The following CTNNA3 variants were observed in gnomAD, a reference collection of about 807,000 sequenced individuals.
CTNNA3 encodes the protein catenin alpha 3, also known as catenin alpha-3.
In CTNNA3, 76 loss-of-function variants were observed where a neutral mutation model predicts 95.7. The ratio of observed to expected loss-of-function variants is 0.79; its 90% CI spans 0.66 to 0.96. The LOEUF (loss-of-function observed/expected upper bound fraction) is 0.96. Among genes scored for constraint, CTNNA3 ranks in the 40% least tolerant of loss-of-function variants. The pLI, the probability that CTNNA3 is intolerant of heterozygous loss-of-function variation, is 0.00. For synonymous variants in CTNNA3, 431 were observed against 374.4 expected, an observed-to-expected ratio of 1.15 and a Z score of -1.74; for missense variants, 1,191 against 1,089.8, an observed-to-expected ratio of 1.09 and a Z score of -1.31.
At chr10:66,643,517 G>T (rs1845587454) in intron 9 of CTNNA3, among the ~76,000 whole-genome samples, 1 of 152,148 alleles carries the variant, frequency 6.6e-6, no homozygotes, top group Non-Finnish European at 1.5e-5. Flanking sequence ...TTCTAGTAGA[G>T]TTAATATCAT....
chr10:67,523,637 G>T (rs1315986356), intron 4 of CTNNA3, among the ~76,000 whole-genome samples: 2 of 152,124 alleles, frequency 1.3e-5, no homozygotes, highest in African/African-American at 4.8e-5. Flanking sequence ...CGTAGAAGAC[G>T]TAAGACAATT....
intron 7 of CTNNA3, among the ~76,000 whole-genome samples, chr10:66,966,609 G>A (rs1849425896): frequency 6.6e-6 from 1 of 151,826 alleles, no homozygotes; most frequent in Admixed American, 6.6e-5. Flanking sequence ...AAATTTAATA[G>A]ATCATACACC....
intron 5 of CTNNA3, among the ~76,000 whole-genome samples, chr10:67,352,482 T>C (rs1390309897): frequency 6.6e-6 from 1 of 151,732 alleles, no homozygotes; most frequent in Non-Finnish European, 1.5e-5. Flanking sequence ...AAGTTCCAAG[T>C]AGTATTATTC....
chr10:66,113,331 T>C (rs2082189758), intron 13 of CTNNA3, among the ~76,000 whole-genome samples: 1 of 152,200 alleles, frequency 6.6e-6, no homozygotes, highest in Non-Finnish European at 1.5e-5. Flanking sequence ...TTATTCTTTT[T>C]TCTTTAATTG....
intron 1 of CTNNA3, among the ~76,000 whole-genome samples, chr10:67,672,735 C>T (rs1420374828): frequency 6.6e-6 from 1 of 152,070 alleles, no homozygotes; most frequent in Non-Finnish European, 1.5e-5. Flanking sequence ...GTTTTGGTAC[C>T]AGTATCATGC....
At chr10:65,943,152 C>T (rs1183045569) in intron 17 of CTNNA3, among the ~76,000 whole-genome samples, 1 of 151,808 alleles carries the variant, frequency 6.6e-6, no homozygotes, top group Non-Finnish European at 1.5e-5. Flanking sequence ...CAAGCTCCGC[C>T]TCCTGGGCTC....
intron 11 of CTNNA3, among the ~76,000 whole-genome samples, chr10:66,496,826 C>T (rs1024858070): frequency 6.6e-6 from 1 of 152,122 alleles, no homozygotes; most frequent in African/African-American, 2.4e-5. Context: ...ATTCATAACA[C>T]AGTATCACTG....
chr10:66,319,163 G>C (rs940917364), intron 12 of CTNNA3, among the ~76,000 whole-genome samples: 12 of 151,890 alleles, frequency 7.9e-5, no homozygotes, highest in Non-Finnish European at 1.5e-4. Context: ...ATAAAAATGG[G>C]AATAATTACT....
chr10:67,031,181 C>T (rs902796833), intron 7 of CTNNA3, among the ~76,000 whole-genome samples: 5 of 151,944 alleles, frequency 3.3e-5, no homozygotes, highest in Non-Finnish European at 7.4e-5. Flanking sequence ...TAAATAAAAC[C>T]CTCTGATTTA....
intron 5 of CTNNA3, among the ~76,000 whole-genome samples, chr10:67,513,469 C>G (rs1299539012): frequency 6.6e-6 from 1 of 152,204 alleles, no homozygotes; most frequent in East Asian, 1.9e-4. Context: ...TTAGAGAAGA[C>G]TGCACCCACA....
At chr10:66,423,387 T>A (rs1208779400) in intron 11 of CTNNA3, among the ~76,000 whole-genome samples, 2 of 152,208 alleles carry the variant, frequency 1.3e-5, no homozygotes, top group African/African-American at 2.4e-5. Flanking sequence ...GTTTCTTGAA[T>A]GTTTGGTAGA....
intron 5 of CTNNA3, among the ~76,000 whole-genome samples, chr10:67,307,138 T>C (rs1327561618): frequency 6.6e-6 from 1 of 152,240 alleles, no homozygotes; most frequent in Non-Finnish European, 1.5e-5. Context: ...TTGCTTAGTA[T>C]TTTTGGACTT....
At chr10:66,962,400 T>TTTTTTG (rs1405950965) in intron 7 of CTNNA3, among the ~76,000 whole-genome samples, 2 of 147,966 alleles carry the variant, frequency 1.4e-5, no homozygotes, top group South Asian at 4.2e-4. Context: ...TTTTGTTTTG[T>TTTTTTG]TTTTTGTTTT....
intron 5 of CTNNA3, among the ~76,000 whole-genome samples, chr10:67,420,481 A>T (rs772933174): frequency 1.3e-5 from 2 of 152,134 alleles, no homozygotes; most frequent in African/African-American, 4.8e-5. Flanking sequence ...GACATTGGAG[A>T]GTACTTTAAC....
intron 13 of CTNNA3, among the ~76,000 whole-genome samples, chr10:66,210,159 G>A (rs901608626): frequency 6.6e-6 from 1 of 151,582 alleles, no homozygotes; most frequent in African/African-American, 2.4e-5. Context: ...GTAAAATAAG[G>A]GTAAGTATGA....
At chr10:66,407,469 A>G (rs1178811875) in intron 11 of CTNNA3, among the ~76,000 whole-genome samples, 1 of 152,138 alleles carries the variant, frequency 6.6e-6, no homozygotes, top group Non-Finnish European at 1.5e-5. Context: ...GCTGTTTGTT[A>G]GATTACTCCA....
chr10:66,051,307 AT>A (rs1483791108), intron 15 of CTNNA3, among the ~76,000 whole-genome samples: 1 of 152,222 alleles, frequency 6.6e-6, no homozygotes, highest in African/African-American at 2.4e-5. Flanking sequence ...ATCATGAAAT[AT>A]TTTTTAAATG....
At chr10:66,619,200 C>A (rs1178449579) in intron 10 of CTNNA3, among the ~76,000 whole-genome samples, 1 of 151,358 alleles carries the variant, frequency 6.6e-6, no homozygotes, top group Non-Finnish European at 1.5e-5. Context: ...ACCCAGCCAT[C>A]CCATTACTGG....
intron 10 of CTNNA3, among the ~76,000 whole-genome samples, chr10:66,610,288 G>C (rs1474801281): frequency 6.6e-6 from 1 of 151,982 alleles, no homozygotes; most frequent in Non-Finnish European, 1.5e-5. Flanking sequence ...CCCGTGACAT[G>C]AGCTTACCCT....
Sources: gnomAD v4.1 joint callset for allele counts (sites outside exome capture counted in the v4.1 genomes callset) on GRCh38, gnomAD v4.1.1 for gene constraint, MANE v1.5 for transcripts, NCBI Gene and HGNC (gene_info 2026-07-23, HGNC 2026-07-21) for gene names.